The following ZNF492 variants were observed in gnomAD, a reference collection of about 807,000 sequenced individuals.
ZNF492 encodes zinc finger protein 115 (Y20).
Under a neutral mutation model 6.4 loss-of-function variants are expected in ZNF492, and 3 were observed. The observed-to-expected ratio is 0.47, with a 90% CI of 0.21 to 1.22. The LOEUF (loss-of-function observed/expected upper bound fraction) is 1.22. Ranked by LOEUF, ZNF492 falls within the 50% of genes most tolerant of loss-of-function variation. The pLI, the probability that ZNF492 is intolerant of heterozygous loss-of-function variation, is 0.22. For missense variants in ZNF492, 356 were observed against 612.5 expected (o/e 0.58, Z 4.42); for synonymous variants, 112 against 205.3 (o/e 0.55, Z 3.89).
At chr19:22,646,283 G>A (rs1475393115) in intron 1 of ZNF492, among the ~76,000 whole-genome samples, 3 of 152,092 alleles carry the variant, frequency 2.0e-5, no homozygotes, top group Admixed American at 2.0e-4. Flanking sequence ...TTTTGTAGCA[G>A]TTGTGAAGTT....
chr19:22,661,772 T>A (rs1311913645), intron 3 of ZNF492, among the ~76,000 whole-genome samples: 1 of 152,068 alleles, frequency 6.6e-6, no homozygotes, highest in Non-Finnish European at 1.5e-5. Flanking sequence ...ACTTTTGTAT[T>A]TTTAGTAGAG....
chr19:22,657,585 T>G (rs1222666316), intron 3 of ZNF492, among the ~76,000 whole-genome samples: 1 of 152,010 alleles, frequency 6.6e-6, no homozygotes, highest in Non-Finnish European at 1.5e-5. Context: ...ATATTACAGT[T>G]ATCTACACAA....
At chr19:22,634,501 A>T in intron 1 of ZNF492, 27 bp downstream of exon 1, 1 of 1,374,334 alleles carries the variant, frequency 7.3e-7, no homozygotes, top group Non-Finnish European at 1.0e-6. Context: ...CGACATCCCG[A>T]GAGAGGGGAA....
chr19:22,637,340 G>A (rs1466787601), intron 1 of ZNF492, among the ~76,000 whole-genome samples: 7 of 151,632 alleles, frequency 4.6e-5, no homozygotes, highest in Non-Finnish European at 8.8e-5. Context: ...GTCCAGACTG[G>A]AGTGCAGTGG....
intron 1 of ZNF492, among the ~76,000 whole-genome samples, chr19:22,636,727 C>T (rs1044843647): frequency 1.0e-4 from 15 of 150,594 alleles, no homozygotes; most frequent in Admixed American, 5.3e-4. Context: ...CTCTGCCTCC[C>T]GGTTCAAGCA....
At chr19:22,654,107 A>G in intron 3 of ZNF492, 92 bp downstream of exon 3, 2 of 1,401,324 alleles carry the variant, frequency 1.4e-6, no homozygotes, top group Non-Finnish European at 1.9e-6. Flanking sequence ...ATGATTTGAA[A>G]TCTGTGTTCC....
At position 22,648,815 on chromosome 19, in the gene ZNF492, C is replaced by G. The variant is rs555122331; in HGVS notation, c.-93-4492C>G. ...TTTGCTTGGTAAATTTTGCTTCATC[C>G]CTATGTGTGTCTTTACACATGAGAT... On this transcript the variant is annotated intron_variant, in intron 1 of 3. Coordinates refer to ENST00000456783, the MANE Select transcript of ZNF492 (RefSeq NM_020855.3). 7.9e-5 allele frequency among the ~76,000 whole-genome samples: 12 copies of G among 152,282 alleles called. No homozygotes were observed. In the East Asian group the frequency reaches 2.3e-3, roughly 29 times the overall value.
chr19:22,653,808 T>C, intron 2 of ZNF492, 112 bp from the exon 3 acceptor site: 1 of 1,120,164 alleles, frequency 8.9e-7, no homozygotes, highest in Non-Finnish European at 1.2e-6. Context: ...TGTGTATTAG[T>C]ATTTTGGAAT....
At chr19:22,641,895 G>A (rs1292951465) in intron 1 of ZNF492, among the ~76,000 whole-genome samples, 12 of 152,226 alleles carry the variant, frequency 7.9e-5, no homozygotes, top group Admixed American at 2.0e-4. Flanking sequence ...CCGGGTTCAC[G>A]CCATTCTCCT....
Position 22,664,887 on chromosome 19 carries a change from A to G in ZNF492, c.1218A>G (p.Ser406=), listed in dbSNP as rs776270223. 34 of 1,609,730 alleles carry G rather than the reference A, an allele frequency of 2.1e-5. 1 individual carries two copies. The highest frequency in any genetic ancestry group is 2.9e-5 in the Non-Finnish European group (34 of 1,177,382). ...EECGKAFNLS[S]QLTTHKIIHT... is the part of the protein sequence containing the mutation. ...GTGGCAAAGCTTTTAACCTATCGTC[A>G]CAACTTACTACACATAAGATAATTC... The change falls in exon 4 of 4, where the codon TCA becomes TCG. Residue 406 remains serine (S), a synonymous_variant. Coordinates refer to ENST00000456783, the MANE Select transcript of ZNF492 (RefSeq NM_020855.3).
rs1259502192 is a variant in ZNF492 at position 22,667,546 on chromosome 19, C to G, written c.*2281C>G. The G allele has an allele frequency of 2.6e-5, 4 of 151,718 alleles. No homozygotes were observed. The highest frequency in any genetic ancestry group is 4.4e-5 in the Non-Finnish European group (3 of 67,948). The allele number at this position is 151,718 out of a possible 1,614,324, so 9.4% of individuals were successfully genotyped here. A position where few individuals can be genotyped will look rare whatever the true frequency, so the allele number is the denominator to read the frequency against. The stretch of plus-strand genomic sequence containing the variant: ...TTGTATTATGAACAGTTCAATTGTA[C>G]AGTTTTAGTTTTTTTAAAATATACG... On this transcript the variant is annotated 3_prime_UTR_variant, in exon 4 of 4. Transcript: ENST00000456783.
chr19:22,642,020 C>G (rs1971830312), intron 1 of ZNF492, among the ~76,000 whole-genome samples: 2 of 152,110 alleles, frequency 1.3e-5, no homozygotes, highest in African/African-American at 4.8e-5. Context: ...GTCTCGATCT[C>G]CTGACCTCGT....
Position 22,653,417 on chromosome 19 carries a change from A to T in ZNF492, c.18A>T (p.Arg6Ser), listed in dbSNP as rs769699858. ...GGAATGTGATGTTAGAGAACTACAG[A>T]AACCTGGTCTTCGTGGGTGAGGATA... is the stretch of plus-strand genomic sequence containing the variant. MLENY[R>S]NLVFVGIAAS... Residue 6 changes from arginine to serine, a missense_variant, in exon 2 of 4, where the codon AGA becomes AGT. This residue lies in a region of ZNF492 where 196 missense variants were observed against 219.4 expected (regional missense o/e 0.89). Transcript: ENST00000456783. 6.2e-7 allele frequency: 1 copy of T among 1,613,910 alleles called. No homozygotes were observed. The highest frequency in any genetic ancestry group is 1.3e-5 in the African/African-American group (1 of 74,926).
chr19:22,643,550 A>G (rs1971850067), intron 1 of ZNF492, among the ~76,000 whole-genome samples: 1 of 152,186 alleles, frequency 6.6e-6, no homozygotes, highest in Non-Finnish European at 1.5e-5. Context: ...ACACCCATTC[A>G]TGGACCTTTC....
chr19:22,666,935 A>C lies in ZNF492; in HGVS notation c.*1670A>C, dbSNP rs1232351772. Reference sequence around the variant, plus strand: ...CACCTTACTCAAGGGTGTAGGTAAAAGGTGGTAACAAGGCCGGGCACGGTG... The same window carrying C: ...CACCTTACTCAAGGGTGTAGGTAAACGGTGGTAACAAGGCCGGGCACGGTG... On this transcript the variant is annotated 3_prime_UTR_variant, in exon 4 of 4. Coordinates refer to ENST00000456783, the MANE Select transcript of ZNF492 (RefSeq NM_020855.3). 6.6e-6 allele frequency: 1 copy of C among 152,190 alleles called. No individual in the cohort carries two copies. The highest frequency in any genetic ancestry group is 1.5e-5 in the Non-Finnish European group (1 of 67,988). The allele number at this position is 152,190 out of a possible 1,614,324, so 9.4% of individuals were successfully genotyped here. A position where few individuals can be genotyped will look rare whatever the true frequency, so the allele number is the denominator to read the frequency against.
At chr19:22,661,209 TG>T (rs1368735342) in intron 3 of ZNF492, among the ~76,000 whole-genome samples, 1 of 142,836 alleles carries the variant, frequency 7.0e-6, no homozygotes, top group African/African-American at 2.9e-5. Flanking sequence ...ACCACCAAAT[TG>T]TTTTTTTTAA....
intron 3 of ZNF492, among the ~76,000 whole-genome samples, chr19:22,656,072 C>T (rs529863877): frequency 6.9e-6 from 1 of 144,174 alleles, no homozygotes; most frequent in East Asian, 2.0e-4. Flanking sequence ...ATCCACCCGC[C>T]TTGGCCTCCC....
intron 3 of ZNF492, among the ~76,000 whole-genome samples, chr19:22,663,502 C>G (rs1046158905): frequency 2.0e-5 from 3 of 152,160 alleles, no homozygotes; most frequent in African/African-American, 4.8e-5. Context: ...TCTAAAGTCA[C>G]TATGTTATAT....
intron 3 of ZNF492, among the ~76,000 whole-genome samples, 192 bp downstream of exon 3, chr19:22,654,207 G>A (rs1172962815): frequency 6.6e-6 from 1 of 152,104 alleles, no homozygotes; most frequent in East Asian, 1.9e-4. Context: ...AATCTCTGAA[G>A]ATTTTACTTT....
Sources: allele counts gnomAD v4.1 joint callset (sites outside exome capture counted in the v4.1 genomes callset), GRCh38; gene constraint gnomAD v4.1.1; regional missense constraint gnomAD v4.1.1; transcripts MANE v1.5; gene names NCBI Gene and HGNC (gene_info 2026-07-23, HGNC 2026-07-21).